The following PHF3 variants were observed in gnomAD, a reference collection of about 807,000 sequenced individuals.
The protein encoded by PHF3 is PHD finger protein 3.
Under a neutral mutation model 178.4 loss-of-function variants are expected in PHF3, and 41 were observed. The ratio of observed to expected loss-of-function variants is 0.23; its 90% confidence interval spans 0.18 to 0.30. PHF3 has a LOEUF of 0.30. PHF3 is among the 10% of genes least tolerant of loss of function. The pLI is 1.00. For synonymous variants in PHF3, 842 were observed against 800.5 expected (o/e 1.05, Z -0.88); for missense variants, 2,346 against 2,398.1 (o/e 0.98, Z 0.45).
At chr6:63,705,918 G>A in intron 11 of PHF3, 111 bp from the exon 12 acceptor site, 1 of 740,880 alleles carries the variant, frequency 1.3e-6, no homozygotes, top group African/African-American at 1.8e-5. Flanking sequence ...GAAATGTATG[G>A]TTACTCAGCA....
intron 2 of PHF3, among the ~76,000 whole-genome samples, chr6:63,661,982 G>A (rs1342888697): frequency 6.6e-6 from 1 of 152,110 alleles, no homozygotes; most frequent in Non-Finnish European, 1.5e-5. Flanking sequence ...GGTGAGCTGC[G>A]GGCCAGTGAG....
At chr6:63,677,359 G>A (rs1176643498) in intron 2 of PHF3, among the ~76,000 whole-genome samples, 1 of 152,090 alleles carries the variant, frequency 6.6e-6, no homozygotes, top group Non-Finnish European at 1.5e-5. Flanking sequence ...GGAAGAGAAG[G>A]CTTTATCAAA....
rs182481363 is a variant in PHF3, at chr6:63,692,698, A to G, written c.2496+655A>G. Among the ~76,000 whole-genome samples, 15 of 152,326 alleles carry G rather than the reference A, an allele frequency of 9.8e-5. No individual in the cohort carries two copies. In the East Asian group the frequency reaches 2.9e-3, roughly 29 times the overall value. Reference sequence around the variant, plus strand: ...GAATCTTAGAGTTGGAGCTTTAGAAATCTTTTGGTCCAATCATTTTGATTT... The same window carrying G: ...GAATCTTAGAGTTGGAGCTTTAGAAGTCTTTTGGTCCAATCATTTTGATTT... On this transcript the variant is annotated intron_variant, in intron 5 of 15. Coordinates refer to ENST00000262043, the MANE Select transcript of PHF3 (RefSeq NM_001370348.2).
Position 63,713,719 on chromosome 6 carries a change from C to A in PHF3, c.*11C>A. 6.5e-7 allele frequency: 1 copy of A among 1,532,946 alleles called. No individual in the cohort carries two copies. The highest frequency in any genetic ancestry group is 1.3e-5 in the South Asian group (1 of 76,806). 95.0% of individuals were successfully genotyped at this position (1,532,946 alleles called of 1,614,324 possible). A position where few individuals can be genotyped will look rare whatever the true frequency, so the allele number is the denominator to read the frequency against. On this transcript the variant is annotated 3_prime_UTR_variant, in exon 16 of 16. Coordinates refer to ENST00000262043, the MANE Select transcript of PHF3 (RefSeq NM_001370348.2). ...AAAAGCAAAAGGTAAAATTTGCAGG[C>A]TGCTTCAGGATTACATTTAAATAAC...
In PHF3 at chr6:63,706,240, G is replaced by A. The variant is rs1423608333; in HGVS notation, c.3563+16G>A. On this transcript the variant is annotated intron_variant, in intron 12 of 15. Coordinates refer to ENST00000262043, the MANE Select transcript of PHF3 (RefSeq NM_001370348.2). Reference sequence around the variant, plus strand: ...CTGCTCCACGGTAATTTTCTCTGTTGTAAATTCTGTAATACTCATTATAGA... The same window carrying A: ...CTGCTCCACGGTAATTTTCTCTGTTATAAATTCTGTAATACTCATTATAGA... 1.3e-6 allele frequency: 2 copies of A among 1,576,052 alleles called. No individual in the cohort carries two copies. Among genetic ancestry groups the A allele is most frequent in the Non-Finnish European group, 1.7e-6 (2 of 1,153,268 alleles).
chr6:63,707,115 G>C (rs1234849103), intron 13 of PHF3, among the ~76,000 whole-genome samples: 1 of 152,188 alleles, frequency 6.6e-6, no homozygotes, highest in Admixed American at 6.5e-5. Context: ...CTGCCTCACT[G>C]TGTCAGATAA....
At chr6:63,665,486 G>T (rs573311051) in intron 2 of PHF3, among the ~76,000 whole-genome samples, 1,413 of 110,686 alleles carry the variant, frequency 0.013, 9 homozygotes, top group Middle Eastern at 0.032. Context: ...GTTTTTTTTT[G>T]TTTTTTTTTT....
intron 2 of PHF3, among the ~76,000 whole-genome samples, chr6:63,673,774 A>G (rs1766030518): frequency 6.6e-6 from 1 of 152,244 alleles, no homozygotes; most frequent in African/African-American, 2.4e-5. Context: ...CCTACCAGGT[A>G]AGAAAAAGTA....
intron 2 of PHF3, among the ~76,000 whole-genome samples, chr6:63,666,897 A>G (rs1765705328): frequency 6.6e-6 from 1 of 151,898 alleles, no homozygotes; most frequent in Non-Finnish European, 1.5e-5. Context: ...GATTACAGGC[A>G]CGTGCCACCA....
At chr6:63,681,432 C>A (rs1031224772) in intron 3 of PHF3, among the ~76,000 whole-genome samples, 2 of 151,966 alleles carry the variant, frequency 1.3e-5, no homozygotes, top group South Asian at 2.1e-4. Flanking sequence ...ATTTCTGGAA[C>A]CTTTATTATT....
At position 63,714,888 on chromosome 6, in the gene PHF3, T is replaced by C. The variant is rs577375553; in HGVS notation, c.*1180T>C. ...ATGCCAGTTTTACTTGAAAAAAAAA[T>C]ATGAAAACTATTGTTAATTCAAATC... On this transcript the variant is annotated 3_prime_UTR_variant, in exon 16 of 16. Coordinates refer to ENST00000262043, the MANE Select transcript of PHF3 (RefSeq NM_001370348.2). 1 of 151,978 alleles carries C rather than the reference T, an allele frequency of 6.6e-6. No homozygotes were observed. Among genetic ancestry groups the C allele is most frequent in the South Asian group, 2.1e-4 (1 of 4,822 alleles). 9.4% of individuals were successfully genotyped at this position (151,978 alleles called of 1,614,324 possible).
At position 63,717,164 on chromosome 6, in the gene PHF3, C is replaced by G. The variant is rs1768216175; in HGVS notation, c.*3456C>G. ...AATGGAGTGAAAAGTGAAGCCACTCCATGTTAACGTGTGTGTTAACATAAA... is the reference window on the plus strand; with the variant it reads ...AATGGAGTGAAAAGTGAAGCCACTCGATGTTAACGTGTGTGTTAACATAAA... On this transcript the variant is annotated 3_prime_UTR_variant, in exon 16 of 16. Coordinates refer to ENST00000262043, the MANE Select transcript of PHF3 (RefSeq NM_001370348.2). Among the ~76,000 whole-genome samples the G allele has an allele frequency of 6.6e-6, 1 of 152,020 alleles. No homozygotes were observed. The highest frequency in any genetic ancestry group is 2.4e-5 in the African/African-American group (1 of 41,418).
chr6:63,658,248 C>G (rs1765319625), intron 2 of PHF3, among the ~76,000 whole-genome samples: 2 of 152,184 alleles, frequency 1.3e-5, no homozygotes, highest in African/African-American at 4.8e-5. Flanking sequence ...CCTTTGGACT[C>G]TAGGCTATGA....
chr6:63,680,199 G>T, intron 3 of PHF3, 38 bp downstream of exon 3: 1 of 1,514,496 alleles, frequency 6.6e-7, no homozygotes, highest in Non-Finnish European at 8.9e-7. Flanking sequence ...AAAATTAGAG[G>T]TATAGGGACA....
At chr6:63,682,101 C>T (rs1461598301) in intron 3 of PHF3, among the ~76,000 whole-genome samples, 2 of 152,134 alleles carry the variant, frequency 1.3e-5, no homozygotes, top group African/African-American at 2.4e-5. Flanking sequence ...AACTGTGCCT[C>T]ATGTTCTTTA....
chr6:63,697,566 G>A (rs977548385), intron 6 of PHF3, among the ~76,000 whole-genome samples: 1 of 152,146 alleles, frequency 6.6e-6, no homozygotes, highest in African/African-American at 2.4e-5. Flanking sequence ...AAGGATAAAA[G>A]TTGGCTTTGA....
chr6:63,681,324 G>A (rs943675139), intron 3 of PHF3, among the ~76,000 whole-genome samples: 1 of 152,020 alleles, frequency 6.6e-6, no homozygotes, highest in Non-Finnish European at 1.5e-5. Context: ...AAGACACTCA[G>A]TAGATCCTGT....
At chr6:63,664,100 G>T (rs912730793) in intron 2 of PHF3, among the ~76,000 whole-genome samples, 5 of 152,118 alleles carry the variant, frequency 3.3e-5, no homozygotes, top group African/African-American at 1.2e-4. Flanking sequence ...ATGGTTATTG[G>T]GCAACAGCTA....
intron 4 of PHF3, among the ~76,000 whole-genome samples, chr6:63,687,826 A>G (rs971140766): frequency 6.6e-6 from 1 of 152,112 alleles, no homozygotes; most frequent in South Asian, 2.1e-4. Context: ...GATCTACTGT[A>G]TAGAATCTAG....
Sources: allele counts gnomAD v4.1 joint callset (sites outside exome capture counted in the v4.1 genomes callset), GRCh38; gene constraint gnomAD v4.1.1; transcripts MANE v1.5; gene names NCBI Gene and HGNC (gene_info 2026-07-23, HGNC 2026-07-21).